Variants in STARD9 observed in about 807,000 individuals in gnomAD.
The protein encoded by STARD9 is StAR related lipid transfer domain containing 9, also known as stAR-related lipid transfer protein 9.
Under a neutral mutation model 399.8 loss-of-function variants are expected in STARD9, and 346 were observed. The ratio of observed to expected loss-of-function variants is 0.87; its 90% CI spans 0.79 to 0.95. STARD9 has a LOEUF of 0.95. Among genes scored for constraint, STARD9 ranks in the 40% least tolerant of loss-of-function variants. The probability of loss-of-function intolerance (pLI) is 0.00; values close to 1 mark genes in which losing one functional copy is unlikely to be tolerated. For synonymous variants in STARD9, 2,203 were observed against 2,143.5 expected (o/e 1.03, Z -0.77); for missense variants, 5,832 against 5,667.5 (o/e 1.03, Z -0.93).
Position 42,718,791 on chromosome 15 carries a change from A to G in STARD9, c.13882A>G (p.Thr4628Ala). The stretch of plus-strand genomic sequence containing the variant: ...CATGGCAGCCCAGTCTGTGTATGAT[A>G]CATCCATGCCAAGACCCAGCAGAAA... ...SVMAAQSVYDTSMPRPSRKMV... is the reference protein window; with the variant it reads ...SVMAAQSVYDASMPRPSRKMV... The change falls in exon 32 of 33, where the codon ACA becomes GCA. Residue 4628 changes from threonine to alanine, a missense_variant. Thr to Ala is a moderately conservative substitution (Grantham distance 58). Coordinates refer to ENST00000290607, the MANE Select transcript of STARD9 (RefSeq NM_020759.3). The G allele has an allele frequency of 6.5e-7, 1 of 1,537,228 alleles. No homozygotes were observed. Among genetic ancestry groups the G allele is most frequent in the East Asian group, 2.4e-5 (1 of 40,906 alleles).
intron 3 of STARD9, among the ~76,000 whole-genome samples, chr15:42,629,071 G>T (rs2141890469): frequency 6.6e-6 from 1 of 152,184 alleles, no homozygotes. Flanking sequence ...CCAGGCTGGA[G>T]TGCAGGGACG....
At chr15:42,665,706 C>A in intron 14 of STARD9, 80 bp from the exon 15 acceptor site, 1 of 1,126,844 alleles carries the variant, frequency 8.9e-7, no homozygotes, top group Non-Finnish European at 1.3e-6. Context: ...GCATCTTATC[C>A]TCCTCCACAA....
intron 3 of STARD9, among the ~76,000 whole-genome samples, chr15:42,590,515 T>A (rs978422079): frequency 1.2e-4 from 19 of 152,196 alleles, no homozygotes; most frequent in African/African-American, 4.6e-4. Context: ...GAGCAGCATC[T>A]TAAGAAGCCA....
chr15:42,705,166 C>T (rs1454538285), intron 26 of STARD9, among the ~76,000 whole-genome samples: 1 of 152,220 alleles, frequency 6.6e-6, no homozygotes, highest in Non-Finnish European at 1.5e-5. Context: ...CCACTAACCT[C>T]TCCTTCTGCC....
Position 42,691,655 on chromosome 15 carries a change from G to A in STARD9, c.10077G>A (p.Trp3359Ter), listed in dbSNP as rs1386249660. The A allele has an allele frequency of 1.3e-6, 2 of 1,537,252 alleles. No homozygotes were observed. The highest frequency in any genetic ancestry group is 2.4e-5 in the South Asian group (2 of 84,064). ...ATACACAGGGGCCTAACAGATTGTG[G>A]AACCCACATCTCAGGGGCTATTCCT... ...DEDTQGPNRL[W>*]NPHLRGYSSG... The change falls in exon 23 of 33, where the codon TGG (tryptophan) becomes TGA (stop). Residue 3359 changes from tryptophan (W) to a stop codon, truncating the protein, a stop_gained. Transcript: ENST00000290607. LOFTEE classifies it high-confidence loss of function.
At position 42,689,648 on chromosome 15, in the gene STARD9, A is replaced by C; in HGVS notation, c.8070A>C (p.Glu2690Asp). 1.3e-6 allele frequency: 2 copies of C among 1,537,718 alleles called. No individual in the cohort carries two copies. Among genetic ancestry groups the C allele is most frequent in the Non-Finnish European group, 1.7e-6 (2 of 1,147,008 alleles). ...GELRQFAGAS[E>D]PFICHSSSSE... is the part of the protein sequence containing the mutation. ...TGAGGCAGTTCGCGGGAGCAAGTGA[A>C]CCATTTATATGTCACTCTAGTTCTT... The change falls in exon 23 of 33, where the codon GAA (glutamate) becomes GAC (aspartate). Residue 2690 changes from glutamate to aspartate, a missense_variant. By Grantham distance (45) the Glu-to-Asp change is conservative. Transcript: ENST00000290607.
At chr15:42,583,449 C>T (rs1440147616) in intron 2 of STARD9, 34 bp downstream of exon 2, 3 of 1,465,310 alleles carry the variant, frequency 2.0e-6, no homozygotes, top group Non-Finnish European at 2.8e-6. Flanking sequence ...TTTCTTTCCA[C>T]TGAGGAGCTA....
At position 42,695,815 on chromosome 15, in the gene STARD9, G is replaced by A; in HGVS notation, c.13219G>A (p.Gly4407Ser). ...CAGCTCTAATGGAAGCCTCTCGTCT[G>A]GCATGACCTCTGGCTATAATAGCAG... ...CTSSNGSLSS[G>S]MTSGYNSSPA... Residue 4407 changes from glycine to serine, a missense_variant, in exon 26 of 33, where the codon GGC (glycine) becomes AGC (serine). Around this residue, in one of 2 missense-constraint regions of STARD9, gnomAD observed 5,828 missense variants for 5,651.1 expected, o/e 1.03. Transcript: ENST00000290607. The A allele has an allele frequency of 6.5e-7, 1 of 1,537,248 alleles. No individual in the cohort carries two copies. Among genetic ancestry groups the A allele is most frequent in the Non-Finnish European group, 8.7e-7 (1 of 1,146,896 alleles).
chr15:42,705,524 C>T (rs1204010249), intron 26 of STARD9, among the ~76,000 whole-genome samples: 3 of 152,074 alleles, frequency 2.0e-5, no homozygotes, highest in Non-Finnish European at 4.4e-5. Context: ...ACCTCCGCCT[C>T]CCAGGTTCAA....
intron 7 of STARD9, among the ~76,000 whole-genome samples, chr15:42,642,478 A>C (rs2059559669): frequency 6.6e-6 from 1 of 152,222 alleles, no homozygotes; most frequent in African/African-American, 2.4e-5. Flanking sequence ...TGTGGCCTTT[A>C]TTTTAATATA....
chr15:42,662,190 A>G (rs1285757482), intron 10 of STARD9, among the ~76,000 whole-genome samples: 1 of 152,222 alleles, frequency 6.6e-6, no homozygotes, highest in East Asian at 1.9e-4. Flanking sequence ...AGGTATTAGA[A>G]GGGAGCATGA....
Position 42,675,876 on chromosome 15 carries a change from G to C in STARD9, c.1775G>C (p.Gly592Ala). Residue 592 changes from glycine to alanine, a missense_variant, in exon 20 of 33, where the codon GGA becomes GCA. Physicochemically the swap from Gly to Ala is moderately conservative, Grantham distance 60. Transcript: ENST00000290607. Reference sequence around the variant, plus strand: ...GTGCTTTCTTCCTTGTTCAAGGTTGGAGAGGCTGCTGCTGGTCGTGGCTCG... The same window carrying C: ...GTGCTTTCTTCCTTGTTCAAGGTTGCAGAGGCTGCTGCTGGTCGTGGCTCG... ...AAVLRQRRQV[G>A]EAAAGRGSLE... is the part of the protein sequence containing the mutation. 1 of 1,537,252 alleles carries C rather than the reference G, an allele frequency of 6.5e-7. No homozygotes were observed. Among genetic ancestry groups the C allele is most frequent in the Non-Finnish European group, 8.7e-7 (1 of 1,146,892 alleles).
intron 3 of STARD9, among the ~76,000 whole-genome samples, chr15:42,599,243 ACT>A (rs1377768589): frequency 1.3e-5 from 2 of 151,214 alleles, no homozygotes; most frequent in East Asian, 1.9e-4. Context: ...CTCTTTTAAA[ACT>A]CTGTTTTGTT....
intron 2 of STARD9, 98 bp from the exon 3 acceptor site, chr15:42,585,423 T>A (rs1595581060): frequency 2.8e-6 from 2 of 712,592 alleles, no homozygotes; most frequent in East Asian, 5.4e-5. Flanking sequence ...TCATGACCAG[T>A]CCAAGTCTCT....
At chr15:42,718,398 A>G (rs1441153572) in intron 30 of STARD9, 37 bp from the exon 31 acceptor site, 1 of 1,505,408 alleles carries the variant, frequency 6.6e-7, no homozygotes, top group Non-Finnish European at 8.9e-7. Flanking sequence ...AGGTCTGTCC[A>G]TGGGCCTCCT....
rs182385853 is a variant in STARD9, at chr15:42,717,291, C to T, written c.13494+243C>T. On this transcript the variant is annotated intron_variant, in intron 28 of 32. Coordinates refer to ENST00000290607, the MANE Select transcript of STARD9 (RefSeq NM_020759.3). ...CTTGAGGTCAGGAGTTCGAGACCAG[C>T]CTGGGAAGCATAGCAAGACCCTGTC... is the stretch of plus-strand genomic sequence containing the variant. Among the ~76,000 whole-genome samples, 516 of 151,996 alleles carry T rather than the reference C, an allele frequency of 3.4e-3. 2 individuals carry two copies. Among genetic ancestry groups the T allele is most frequent in the South Asian group, 0.011 (54 of 4,812 alleles).
chr15:42,706,453 A>ATT (rs1208800295), intron 26 of STARD9, among the ~76,000 whole-genome samples: 1 of 141,326 alleles, frequency 7.1e-6, no homozygotes. Context: ...ACCTATCTTA[A>ATT]TTTTTTTTTT....
rs1019266075 is a variant in STARD9, at chr15:42,581,534, G to A, written c.48-1812G>A. 5.4e-5 allele frequency: 70 copies of A among 1,307,084 alleles called. No individual in the cohort carries two copies. The Admixed American group carries it at 1.4e-3, about 26-fold the overall frequency. The allele number at this position is 1,307,084 out of a possible 1,614,324, so 81.0% of individuals were successfully genotyped here. ...GGCTTTGTGTGGCGGGTAGGCGGCG[G>A]CGCCGGGCCGGTCTGCTCCAGCTCC... On this transcript the variant is annotated intron_variant, in intron 1 of 32. Coordinates refer to ENST00000290607, the MANE Select transcript of STARD9 (RefSeq NM_020759.3).
At chr15:42,718,566 C>T in intron 31 of STARD9, 52 bp downstream of exon 31, 6 of 1,507,066 alleles carry the variant, frequency 4.0e-6, no homozygotes, top group African/African-American at 1.4e-5. Context: ...GCTGAAGTGT[C>T]GTGAGAAACA....
Sources: allele counts gnomAD v4.1 joint callset (sites outside exome capture counted in the v4.1 genomes callset), GRCh38; gene constraint gnomAD v4.1.1; regional missense constraint gnomAD v4.1.1; transcripts MANE v1.5; gene names NCBI Gene and HGNC (gene_info 2026-07-23, HGNC 2026-07-21).